The following PCDH9 variants were observed in gnomAD, a reference collection of about 807,000 sequenced individuals.
PCDH9 encodes the protein protocadherin-9.
In PCDH9, 24 loss-of-function variants were observed where a neutral mutation model predicts 70.6. That is an observed-to-expected ratio of 0.34 (90% CI 0.25 to 0.48). PCDH9 has a LOEUF of 0.48. Among genes scored for constraint, PCDH9 ranks in the 20% least tolerant of loss-of-function variants. PCDH9 has a pLI of 0.99. For synonymous variants in PCDH9, 562 were observed against 558.5 expected (o/e 1.01, Z -0.09); for missense variants, 1,281 against 1,503.6 (o/e 0.85, Z 2.45).
intron 3 of PCDH9, among the ~76,000 whole-genome samples, chr13:66,807,426 T>C (rs1452045814): frequency 1.3e-5 from 2 of 152,128 alleles, no homozygotes; most frequent in Non-Finnish European, 2.9e-5. Context: ...CTTGTTTAAA[T>C]AAAAACAAAT....
At chr13:66,450,932 G>A (rs1484615726) in intron 4 of PCDH9, among the ~76,000 whole-genome samples, 1 of 152,108 alleles carries the variant, frequency 6.6e-6, no homozygotes, top group Non-Finnish European at 1.5e-5. Flanking sequence ...CAGGAGAATG[G>A]CGTGAACCCA....
At chr13:66,950,102 TATTAA>T (rs1252123600) in intron 2 of PCDH9, among the ~76,000 whole-genome samples, 1 of 152,068 alleles carries the variant, frequency 6.6e-6, no homozygotes, top group East Asian at 1.9e-4. Context: ...TTTATATAAA[TATTAA>T]ATTAAGTGAT....
chr13:67,154,181 G>T (rs1188165819), intron 2 of PCDH9, among the ~76,000 whole-genome samples: 1 of 152,156 alleles, frequency 6.6e-6, no homozygotes, highest in Non-Finnish European at 1.5e-5. Flanking sequence ...AGTCAGGTGT[G>T]GTGGCTCATG....
chr13:67,012,163 C>T (rs190068362), intron 2 of PCDH9, among the ~76,000 whole-genome samples: 9 of 151,798 alleles, frequency 5.9e-5, no homozygotes, highest in Admixed American at 3.9e-4. Flanking sequence ...ATTCAAAGAA[C>T]CAACTTTGAA....
At chr13:67,085,610 G>A (rs753670169) in intron 2 of PCDH9, among the ~76,000 whole-genome samples, 2 of 152,144 alleles carry the variant, frequency 1.3e-5, no homozygotes, top group Non-Finnish European at 2.9e-5. Flanking sequence ...CTGATCTAAA[G>A]GGCAAGATTT....
chr13:67,125,831 G>GTA (rs571391758), intron 2 of PCDH9, among the ~76,000 whole-genome samples: 20,027 of 146,890 alleles, frequency 0.14, 1,433 homozygotes, highest in Admixed American at 0.2. Context: ...AAAAATGTGT[G>GTA]TATATATATA....
At chr13:66,700,196 G>A (rs539691050) in intron 3 of PCDH9, among the ~76,000 whole-genome samples, 5 of 152,090 alleles carry the variant, frequency 3.3e-5, no homozygotes, top group Non-Finnish European at 2.9e-5. Flanking sequence ...TGAGAGAATC[G>A]CTATTTGTAA....
chr13:66,786,113 G>C (rs1594059461), intron 3 of PCDH9, among the ~76,000 whole-genome samples: 1 of 152,194 alleles, frequency 6.6e-6, no homozygotes, highest in East Asian at 1.9e-4. Context: ...ATGTTCCCCT[G>C]GTTACATGGC....
chr13:66,985,565 G>A (rs1020874510), intron 2 of PCDH9: 1 of 151,994 alleles, frequency 6.6e-6, no homozygotes, highest in Non-Finnish European at 1.5e-5. Flanking sequence ...CTGTATCAAA[G>A]TTTATGGGCT....
intron 3 of PCDH9, among the ~76,000 whole-genome samples, chr13:66,636,681 C>T (rs887884282): frequency 6.6e-6 from 1 of 151,898 alleles, no homozygotes. Context: ...TGATTTAATT[C>T]CCTTGCCATG....
intron 2 of PCDH9, among the ~76,000 whole-genome samples, chr13:67,070,038 A>G (rs2085729444): frequency 6.6e-6 from 1 of 151,460 alleles, no homozygotes; most frequent in East Asian, 1.9e-4. Context: ...CCCTGCTACT[A>G]GGTCATGCAG....
chr13:67,096,194 G>A (rs796270690), intron 2 of PCDH9, among the ~76,000 whole-genome samples: 21 of 152,238 alleles, frequency 1.4e-4, no homozygotes, highest in African/African-American at 4.3e-4. Context: ...AAGATAAATC[G>A]TGTGTATGTG....
At chr13:66,511,351 G>C (rs974421078) in intron 4 of PCDH9, among the ~76,000 whole-genome samples, 1 of 151,912 alleles carries the variant, frequency 6.6e-6, no homozygotes, top group Non-Finnish European at 1.5e-5. Flanking sequence ...ACATTCTGGG[G>C]CATGTTATTT....
At chr13:66,933,538 C>A (rs1026191673) in intron 2 of PCDH9, among the ~76,000 whole-genome samples, 1 of 152,110 alleles carries the variant, frequency 6.6e-6, no homozygotes, top group Non-Finnish European at 1.5e-5. Flanking sequence ...ATTTATTAGA[C>A]CCCAGTATCT....
chr13:66,769,748 G>T (rs534517073), intron 3 of PCDH9, among the ~76,000 whole-genome samples: 1 of 152,178 alleles, frequency 6.6e-6, no homozygotes, highest in African/African-American at 2.4e-5. Flanking sequence ...CCAGGAAATA[G>T]AACCACAGAA....
chr13:66,336,843 A>T (rs183123098), intron 4 of PCDH9, among the ~76,000 whole-genome samples: 106 of 152,026 alleles, frequency 7.0e-4, no homozygotes, highest in East Asian at 5.4e-3. Context: ...AATTCCAAAT[A>T]CTCTATTTTT....
chr13:66,745,589 C>T (rs1315089043), intron 3 of PCDH9, among the ~76,000 whole-genome samples: 3 of 152,112 alleles, frequency 2.0e-5, no homozygotes, highest in Non-Finnish European at 4.4e-5. Context: ...AGAGCTTTCA[C>T]CAACACACTG....
intron 3 of PCDH9, among the ~76,000 whole-genome samples, chr13:66,813,794 T>A (rs1012915750): frequency 1.3e-5 from 2 of 152,132 alleles, no homozygotes; most frequent in Non-Finnish European, 2.9e-5. Flanking sequence ...AGAAGAACAA[T>A]AATTAGTGCT....
chr13:66,408,940 T>C (rs530020944), intron 4 of PCDH9, among the ~76,000 whole-genome samples: 2 of 152,312 alleles, frequency 1.3e-5, no homozygotes, highest in South Asian at 4.1e-4. Context: ...TCTAAGGCTA[T>C]AGAAACATAT....
Sources: gnomAD v4.1 joint callset for allele counts (sites outside exome capture counted in the v4.1 genomes callset) on GRCh38, gnomAD v4.1.1 for gene constraint, MANE v1.5 for transcripts, NCBI Gene and HGNC (gene_info 2026-07-23, HGNC 2026-07-21) for gene names.